IGF2BP1: variants seen among roughly 807,000 people sequenced by gnomAD.
IGF2BP1 encodes the protein insulin like growth factor 2 mRNA binding protein 1.
IGF2BP1 carries 11 observed loss-of-function variants against 74.9 expected under a neutral mutation model. The observed-to-expected ratio is 0.15, with a 90% CI of 0.09 to 0.24. The LOEUF (loss-of-function observed/expected upper bound fraction) is 0.24, where lower values mean the gene tolerates loss of function less well. Among genes scored for constraint, IGF2BP1 ranks in the 10% least tolerant of loss-of-function variants. The probability of loss-of-function intolerance (pLI) is 1.00; values close to 1 mark genes in which losing one functional copy is unlikely to be tolerated. For synonymous variants in IGF2BP1, 287 were observed against 281.8 expected, an observed-to-expected ratio of 1.02 and a Z score of -0.18; for missense variants, 440 against 757.4, an observed-to-expected ratio of 0.58 and a Z score of 4.92.
At chr17:49,033,744 A>C (rs924720713) in intron 5 of IGF2BP1, among the ~76,000 whole-genome samples, 6 of 152,198 alleles carry the variant, frequency 3.9e-5, no homozygotes, top group African/African-American at 1.4e-4. Context: ...TACCAAATAT[A>C]CTGAGACTCT....
At chr17:49,032,728 T>G (rs2041940013) in intron 5 of IGF2BP1, among the ~76,000 whole-genome samples, 2 of 152,124 alleles carry the variant, frequency 1.3e-5, no homozygotes, top group Non-Finnish European at 2.9e-5. Context: ...CTCAGAATTT[T>G]CTAGAGGTTC....
At chr17:49,033,140 T>TTTTA (rs1415811839) in intron 5 of IGF2BP1, among the ~76,000 whole-genome samples, 3 of 151,898 alleles carry the variant, frequency 2.0e-5, no homozygotes, top group Non-Finnish European at 2.9e-5. Flanking sequence ...TTTCTGGGCT[T>TTTTA]TTTATTTATT....
chr17:49,018,209 CAAT>C (rs1205993444), intron 2 of IGF2BP1: 2 of 152,186 alleles, frequency 1.3e-5, no homozygotes, highest in African/African-American at 2.4e-5. Flanking sequence ...AAGATAACAA[CAAT>C]AACAACAAAA....
chr17:49,029,494 G>A (rs1188791149), intron 4 of IGF2BP1, among the ~76,000 whole-genome samples: 1 of 152,214 alleles, frequency 6.6e-6, no homozygotes, highest in African/African-American at 2.4e-5. Flanking sequence ...GTGACCAAGT[G>A]CCTTATCTGT....
intron 2 of IGF2BP1, chr17:49,014,927 G>A (rs1309664884): frequency 1.0e-6 from 1 of 985,146 alleles, no homozygotes; most frequent in East Asian, 1.1e-4. Context: ...TCCCTCTGGA[G>A]GACAGAGCCC....
rs1040034371 is a variant in IGF2BP1 at position 49,054,284 on chromosome 17, T to G, written c.*4840T>G. The stretch of plus-strand genomic sequence containing the variant: ...ACAAAAGAAAAAAAATTTTTTTTCT[T>G]GAATGAAATAGCAGGAAGCTCCTCG... On this transcript the variant is annotated 3_prime_UTR_variant, in exon 15 of 15. Coordinates refer to ENST00000290341, the MANE Select transcript of IGF2BP1 (RefSeq NM_006546.4). The G allele has an allele frequency of 6.6e-6, 1 of 152,622 alleles. No individual in the cohort carries two copies. Among genetic ancestry groups the G allele is most frequent in the Non-Finnish European group, 1.5e-5 (1 of 68,036 alleles). 9.5% of individuals were successfully genotyped at this position (152,622 alleles called of 1,614,324 possible).
chr17:49,043,697 C>A, intron 10 of IGF2BP1, 147 bp downstream of exon 10: 1 of 1,032,416 alleles, frequency 9.7e-7, no homozygotes, highest in Non-Finnish European at 1.4e-6. Context: ...CTCTCCAGTG[C>A]TCCTAGCCAC....
chr17:49,016,920 GC>G (rs994346061), intron 2 of IGF2BP1, among the ~76,000 whole-genome samples: 10 of 135,136 alleles, frequency 7.4e-5, no homozygotes, highest in Admixed American at 1.5e-4. Context: ...CCCCGCCCCC[GC>G]CCCCTTTCTC....
intron 2 of IGF2BP1, among the ~76,000 whole-genome samples, chr17:49,016,751 C>T (rs1229621152): frequency 6.6e-6 from 1 of 151,686 alleles, no homozygotes; most frequent in African/African-American, 2.4e-5. Flanking sequence ...TGTTTTCTGG[C>T]CCCTACCCCT....
intron 2 of IGF2BP1, among the ~76,000 whole-genome samples, chr17:49,024,210 C>T (rs2041825783): frequency 1.4e-5 from 2 of 147,782 alleles, no homozygotes; most frequent in Admixed American, 7.0e-5. Flanking sequence ...GGATTACAGG[C>T]GTGAGCCACC....
chr17:49,054,415 C>T lies in IGF2BP1; in HGVS notation c.*4971C>T, dbSNP rs1222880889. Reference sequence around the variant, plus strand: ...TTGGAACTAAGGGCAGGGACTCATGCATAAGGGTATGAATCCCAGCCAGGA... The same window carrying T: ...TTGGAACTAAGGGCAGGGACTCATGTATAAGGGTATGAATCCCAGCCAGGA... On this transcript the variant is annotated 3_prime_UTR_variant, in exon 15 of 15. Transcript: ENST00000290341. 6.6e-6 allele frequency: 1 copy of T among 152,662 alleles called. No homozygotes were observed. Among genetic ancestry groups the T allele is most frequent in the African/African-American group, 2.4e-5 (1 of 41,450 alleles). The allele number at this position is 152,662 out of a possible 1,614,324, so 9.5% of individuals were successfully genotyped here.
chr17:49,055,742 T>C lies in IGF2BP1; in HGVS notation c.*6298T>C. 1 of 397,880 alleles carries C rather than the reference T, an allele frequency of 2.5e-6. No homozygotes were observed. 24.6% of individuals were successfully genotyped at this position (397,880 alleles called of 1,614,324 possible). A position where few individuals can be genotyped will look rare whatever the true frequency, so the allele number is the denominator to read the frequency against. Reference sequence around the variant, plus strand: ...CCTCCCCTGAGGCAAAGTGGATTTGTAAGCAGTTCTGAAACATCACTTACT... The same window carrying C: ...CCTCCCCTGAGGCAAAGTGGATTTGCAAGCAGTTCTGAAACATCACTTACT... On this transcript the variant is annotated 3_prime_UTR_variant, in exon 15 of 15. Coordinates refer to ENST00000290341, the MANE Select transcript of IGF2BP1 (RefSeq NM_006546.4).
At chr17:49,025,903 T>A (rs1238629729) in intron 3 of IGF2BP1, among the ~76,000 whole-genome samples, 1 of 150,614 alleles carries the variant, frequency 6.6e-6, no homozygotes, top group Non-Finnish European at 1.5e-5. Flanking sequence ...TTGCTTGGGC[T>A]GGAGTGCAGT....
chr17:49,019,991 TATATACACACACACACACATATATATAC>T (rs2041770845), intron 2 of IGF2BP1, among the ~76,000 whole-genome samples: 1 of 83,864 alleles, frequency 1.2e-5, no homozygotes, highest in African/African-American at 5.4e-5. Context: ...CCCACACATA[TATATACACACACACACACATATATATAC>T]ACACACACAC....
At chr17:49,032,247 A>G (rs1380783613) in intron 5 of IGF2BP1, among the ~76,000 whole-genome samples, 3 of 152,216 alleles carry the variant, frequency 2.0e-5, no homozygotes, top group East Asian at 1.9e-4. Flanking sequence ...GCCCTCCCAG[A>G]TAAGTGGGAA....
intron 2 of IGF2BP1, among the ~76,000 whole-genome samples, chr17:49,011,219 C>T (rs999335716): frequency 2.7e-5 from 4 of 147,866 alleles, no homozygotes; most frequent in South Asian, 2.2e-4. Context: ...GAGCTGTTTT[C>T]GGGCAGACCA....
intron 6 of IGF2BP1, among the ~76,000 whole-genome samples, chr17:49,039,110 T>C (rs1360548898): frequency 6.6e-6 from 1 of 152,026 alleles, no homozygotes. Context: ...ACTCCTGACC[T>C]CGTGATCCGG....
At chr17:49,004,097 G>A (rs2041518517) in intron 2 of IGF2BP1, among the ~76,000 whole-genome samples, 1 of 151,996 alleles carries the variant, frequency 6.6e-6, no homozygotes, top group Non-Finnish European at 1.5e-5. Context: ...CGGCAATCTC[G>A]TCTCGCTCTG....
At chr17:49,025,755 G>A in intron 3 of IGF2BP1, 89 bp downstream of exon 3, 2 of 1,185,318 alleles carry the variant, frequency 1.7e-6, no homozygotes, top group Non-Finnish European at 2.5e-6. Flanking sequence ...GAAATGATTG[G>A]GGAGGTCTGG....
Sources: gnomAD v4.1 joint callset for allele counts (sites outside exome capture counted in the v4.1 genomes callset) on GRCh38, gnomAD v4.1.1 for gene constraint, MANE v1.5 for transcripts, NCBI Gene and HGNC (gene_info 2026-07-23, HGNC 2026-07-21) for gene names.